TMTC1: variants seen among roughly 807,000 people sequenced by gnomAD.
TMTC1 encodes the protein transmembrane O-mannosyltransferase targeting cadherins 1.
A neutral mutation model predicts 104.8 loss-of-function variants in TMTC1; 73 were observed. The ratio of observed to expected loss-of-function variants is 0.70; its 90% CI spans 0.58 to 0.85. The LOEUF (loss-of-function observed/expected upper bound fraction) is 0.85. Among genes scored for constraint, TMTC1 ranks in the 40% least tolerant of loss-of-function variants. TMTC1 has a pLI of 0.00. For missense variants in TMTC1, 1,035 were observed against 1,096.1 expected (o/e 0.94, Z 0.79); for synonymous variants, 434 against 428.7 (o/e 1.01, Z -0.15).
intron 1 of TMTC1, among the ~76,000 whole-genome samples, chr12:29,772,558 C>T (rs1203007849): frequency 1.3e-5 from 2 of 152,158 alleles, no homozygotes; most frequent in Non-Finnish European, 2.9e-5. Context: ...ACTTCACTCA[C>T]TCTAAGATCA....
intron 7 of TMTC1, among the ~76,000 whole-genome samples, chr12:29,600,072 G>A (rs1592298840): frequency 1.5e-5 from 2 of 132,676 alleles, no homozygotes; most frequent in African/African-American, 2.9e-5. Flanking sequence ...GCTGTTTCTT[G>A]TCAAGGTCAG....
intron 5 of TMTC1, among the ~76,000 whole-genome samples, chr12:29,672,206 T>G (rs1474075167): frequency 1.3e-5 from 2 of 152,192 alleles, no homozygotes; most frequent in East Asian, 1.9e-4. Flanking sequence ...CCTGGCCCAG[T>G]GCTTACCTGG....
chr12:29,643,643 ATATGTT>A (rs1939020890), intron 5 of TMTC1, among the ~76,000 whole-genome samples: 1 of 23,568 alleles, frequency 4.2e-5, no homozygotes, highest in Non-Finnish European at 7.0e-5. Flanking sequence ...TATATAATAT[ATATGTT>A]ATATTATATA....
chr12:29,562,559 G>A (rs923872985), intron 9 of TMTC1, among the ~76,000 whole-genome samples: 2 of 152,144 alleles, frequency 1.3e-5, no homozygotes, highest in African/African-American at 4.8e-5. Flanking sequence ...GAGGCTTGGG[G>A]TGAACTTTGG....
chr12:29,591,157 C>T (rs1020062868), intron 7 of TMTC1, among the ~76,000 whole-genome samples: 2 of 152,176 alleles, frequency 1.3e-5, no homozygotes, highest in Admixed American at 6.5e-5. Context: ...GTATCACATT[C>T]TTAAAAGTCT....
chr12:29,652,036 G>A (rs1939545481), intron 5 of TMTC1, among the ~76,000 whole-genome samples: 1 of 152,204 alleles, frequency 6.6e-6, no homozygotes, highest in African/African-American at 2.4e-5. Flanking sequence ...CCAGATTTCT[G>A]TAAAGTCCCT....
chr12:29,778,851 G>A (rs11050428), intron 1 of TMTC1, among the ~76,000 whole-genome samples: 40,325 of 152,174 alleles, frequency 0.26, 6,826 homozygotes, highest in Admixed American at 0.46. Context: ...AATAGCCTAT[G>A]TAAGTGTGAT....
chr12:29,763,458 G>A (rs1943396871), intron 2 of TMTC1, among the ~76,000 whole-genome samples: 1 of 152,218 alleles, frequency 6.6e-6, no homozygotes, highest in Admixed American at 6.5e-5. Flanking sequence ...GTCATGTTCA[G>A]TAAGTGTGTG....
At chr12:29,599,986 G>GTGTATACATATA (rs1565699720) in intron 7 of TMTC1, among the ~76,000 whole-genome samples, 6 of 99,150 alleles carry the variant, frequency 6.1e-5, no homozygotes, top group African/African-American at 3.9e-4. Flanking sequence ...GTGTGTGTGT[G>GTGTATACATATA]TATATACATA....
intron 5 of TMTC1, among the ~76,000 whole-genome samples, chr12:29,655,535 T>C (rs1939716026): frequency 6.6e-6 from 1 of 152,234 alleles, no homozygotes; most frequent in South Asian, 2.1e-4. Context: ...CAATGTTGTA[T>C]TCCTCTCAGT....
intron 4 of TMTC1, among the ~76,000 whole-genome samples, 188 bp downstream of exon 4, chr12:29,755,521 T>C (rs1014846604): frequency 1.3e-5 from 2 of 152,222 alleles, no homozygotes; most frequent in Admixed American, 1.3e-4. Context: ...TATACAAAAG[T>C]GTGAAGCATT....
At chr12:29,565,377 G>T (rs986947324) in intron 9 of TMTC1, among the ~76,000 whole-genome samples, 5 of 152,206 alleles carry the variant, frequency 3.3e-5, no homozygotes, top group Admixed American at 6.5e-5. Flanking sequence ...TAGGTATCAT[G>T]GCCCATCCAA....
chr12:29,666,395 G>T (rs374120585), intron 5 of TMTC1: 215 of 322,182 alleles, frequency 6.7e-4, no homozygotes, highest in African/African-American at 3.6e-3. Flanking sequence ...TTTTTTTTTT[G>T]TTGTTGTTGT....
chr12:29,715,301 T>A (rs190560871), intron 5 of TMTC1, among the ~76,000 whole-genome samples: 1 of 152,186 alleles, frequency 6.6e-6, no homozygotes, highest in African/African-American at 2.4e-5. Context: ...ATTTTTGCTA[T>A]AACAAGACTC....
chr12:29,725,535 A>G (rs914421189), intron 5 of TMTC1, among the ~76,000 whole-genome samples: 2 of 152,176 alleles, frequency 1.3e-5, no homozygotes, highest in African/African-American at 4.8e-5. Flanking sequence ...CTCATTCTGA[A>G]TTAGCAGATC....
intron 6 of TMTC1, among the ~76,000 whole-genome samples, chr12:29,608,087 CCATT>C (rs901169767): frequency 4.3e-4 from 65 of 152,192 alleles, no homozygotes; most frequent in African/African-American, 1.5e-3. Flanking sequence ...TTCCTCATCC[CCATT>C]CAGTCAAGAG....
At chr12:29,640,457 C>A (rs913976235) in intron 5 of TMTC1, 1 of 152,164 alleles carries the variant, frequency 6.6e-6, no homozygotes. Flanking sequence ...ACTGTGAATG[C>A]CCCAACAGTG....
chr12:29,670,201 T>C (rs1940453089), intron 5 of TMTC1, among the ~76,000 whole-genome samples: 1 of 152,220 alleles, frequency 6.6e-6, no homozygotes, highest in Non-Finnish European at 1.5e-5. Flanking sequence ...CTGGGATACA[T>C]GGATGGATAA....
chr12:29,708,969 A>G (rs1941827074), intron 5 of TMTC1, among the ~76,000 whole-genome samples: 1 of 152,226 alleles, frequency 6.6e-6, no homozygotes, highest in Non-Finnish European at 1.5e-5. Context: ...TTGTTTTGTC[A>G]AGAGAATATC....
Sources: allele counts gnomAD v4.1 joint callset (sites outside exome capture counted in the v4.1 genomes callset), GRCh38; gene constraint gnomAD v4.1.1; transcripts MANE v1.5; gene names NCBI Gene and HGNC (gene_info 2026-07-23, HGNC 2026-07-21).